The following TSHZ3 variants were observed in gnomAD, a reference collection of about 807,000 sequenced individuals.
TSHZ3 encodes teashirt homolog 3.
Under a neutral mutation model 64.5 loss-of-function variants are expected in TSHZ3, and 10 were observed. That is an observed-to-expected ratio of 0.16 (90% CI 0.10 to 0.26). The LOEUF is 0.26. TSHZ3 is among the 10% of genes least tolerant of loss of function. The pLI, the probability that TSHZ3 is intolerant of heterozygous loss-of-function variation, is 1.00. For synonymous variants in TSHZ3, 608 were observed against 593.1 expected (o/e 1.03, Z -0.36); for missense variants, 1,242 against 1,421.7 (o/e 0.87, Z 2.03).
At chr19:31,345,050 C>T (rs1241079954) in intron 1 of TSHZ3, among the ~76,000 whole-genome samples, 1 of 152,122 alleles carries the variant, frequency 6.6e-6, no homozygotes, top group African/African-American at 2.4e-5. Flanking sequence ...ATGGGGGCAC[C>T]GCAGCTGATT....
intron 5 of TSHZ3, among the ~76,000 whole-genome samples, chr19:31,178,459 C>T (rs960260992): frequency 1.3e-4 from 20 of 152,150 alleles, no homozygotes; most frequent in Non-Finnish European, 2.8e-4. Flanking sequence ...TCAGGTGGAT[C>T]GCCTGAGGTC....
chr19:31,240,780 A>G (rs1389211086), intron 3 of TSHZ3, among the ~76,000 whole-genome samples: 1 of 152,084 alleles, frequency 6.6e-6, no homozygotes, highest in Non-Finnish European at 1.5e-5. Flanking sequence ...TTCTCTGCCC[A>G]GTTATAATCT....
At chr19:31,249,907 G>T (rs1370076851) in intron 1 of TSHZ3, among the ~76,000 whole-genome samples, 1 of 152,212 alleles carries the variant, frequency 6.6e-6, no homozygotes, top group African/African-American at 2.4e-5. Flanking sequence ...ATAACTAGCA[G>T]CAATGACTCT....
chr19:31,297,887 C>A (rs1976691116), intron 1 of TSHZ3, among the ~76,000 whole-genome samples: 1 of 152,206 alleles, frequency 6.6e-6, no homozygotes, highest in Non-Finnish European at 1.5e-5. Flanking sequence ...CATCCCTGCC[C>A]TAATGCGTAC....
intron 4 of TSHZ3, among the ~76,000 whole-genome samples, chr19:31,209,954 A>G (rs542073543): frequency 6.6e-6 from 1 of 152,268 alleles, no homozygotes; most frequent in East Asian, 1.9e-4. Context: ...AGGTCAGGTC[A>G]GTGAGCCATG....
chr19:31,247,680 C>A (rs1229849141), intron 1 of TSHZ3, among the ~76,000 whole-genome samples: 1 of 152,114 alleles, frequency 6.6e-6, no homozygotes, highest in Non-Finnish European at 1.5e-5. Flanking sequence ...ACGGGTTATC[C>A]TATCAATATT....
At chr19:31,350,561 G>T (rs2021690248), upstream of TSHZ3, among the ~76,000 whole-genome samples, 1 of 151,454 alleles carries the variant, frequency 6.6e-6, no homozygotes, top group Non-Finnish European at 1.5e-5. Flanking sequence ...CCGCCGCGCC[G>T]TGTCCCGCGC....
At chr19:31,179,667 ATGGTGG>A (rs1568338827) in intron 5 of TSHZ3, among the ~76,000 whole-genome samples, 1 of 151,340 alleles carries the variant, frequency 6.6e-6, no homozygotes. Flanking sequence ...GGCAATGATG[ATGGTGG>A]TGGTAAGAGT....
rs969469796 is a variant in TSHZ3, at chr19:31,231,948, TG to T, written n.551-3809del. Among the ~76,000 whole-genome samples, 8 of 152,260 alleles carry T rather than the reference TG, an allele frequency of 5.3e-5. No homozygotes were observed. The East Asian group carries it at 1.4e-3, about 26-fold the overall frequency. ...CAGACCCTGATTTATATGCCCTGAT[TG>T]GGTATCTGTAATGCTCTCAGTCACA... On this transcript the variant is annotated intron_variant and non_coding_transcript_variant, in intron 3 of 6. Transcript: ENST00000651361.
chr19:31,235,374 C>T (rs975768063), intron 3 of TSHZ3, among the ~76,000 whole-genome samples: 1 of 151,946 alleles, frequency 6.6e-6, no homozygotes, highest in African/African-American at 2.4e-5. Flanking sequence ...CCCTGATAGG[C>T]ACCATTCTAC....
Position 31,163,352 on chromosome 19 carries a change from T to C in TSHZ3, n.810-6935A>G, listed in dbSNP as rs115152649. 3.9e-3 allele frequency among the ~76,000 whole-genome samples: 594 copies of C among 152,288 alleles called. 3 individuals are homozygous for C. The highest frequency in any genetic ancestry group is 0.013 in the African/African-American group (550 of 41,562). ...ATAAAGGGCCTTGAATGCCAATTTT[T>C]AGAACTCAGATTTATTCTGTAGTGG... is the stretch of plus-strand genomic sequence containing the variant. On this transcript the variant is annotated intron_variant and non_coding_transcript_variant, in intron 5 of 6. Transcript: ENST00000651361.
chr19:31,346,942 G>T (rs909195333), intron 1 of TSHZ3, among the ~76,000 whole-genome samples: 3 of 151,628 alleles, frequency 2.0e-5, no homozygotes, highest in African/African-American at 7.3e-5. Context: ...TTCTGATAAA[G>T]TAAATCCAAA....
intron 1 of TSHZ3, among the ~76,000 whole-genome samples, chr19:31,337,781 A>G (rs1802501282): frequency 6.6e-6 from 1 of 151,198 alleles, no homozygotes; most frequent in Non-Finnish European, 1.5e-5. Flanking sequence ...TGAGTGAATC[A>G]GTACCATTTC....
At chr19:31,285,781 CAAAAAAAA>C (rs3030263) in intron 1 of TSHZ3, among the ~76,000 whole-genome samples, 15 of 44,986 alleles carry the variant, frequency 3.3e-4, no homozygotes, top group South Asian at 1.1e-3. Flanking sequence ...GCCACTGTCT[CAAAAAAAA>C]AAAAAAAAAA....
In TSHZ3 at chr19:31,150,467, G is replaced by A. The variant is rs535924502; in HGVS notation, n.2149C>T. ...GGGTACCATATCCTGGTGCATCCAC[G>A]TGTCTTCTGGCCACATCGCATGACA... On this transcript the variant is annotated non_coding_transcript_exon_variant, in exon 7 of 7. Transcript: ENST00000651361. 9.2e-5 allele frequency among the ~76,000 whole-genome samples: 14 copies of A among 152,320 alleles called. No individual in the cohort carries two copies. In the East Asian group the frequency reaches 1.9e-3, roughly 21 times the overall value.
chr19:31,181,816 T>C (rs989315898), intron 5 of TSHZ3, among the ~76,000 whole-genome samples: 1 of 152,200 alleles, frequency 6.6e-6, no homozygotes, highest in African/African-American at 2.4e-5. Flanking sequence ...TTCAGCCAAT[T>C]TCATCAAATG....
At chr19:31,181,727 A>G (rs1224688564) in intron 5 of TSHZ3, among the ~76,000 whole-genome samples, 1 of 152,250 alleles carries the variant, frequency 6.6e-6, no homozygotes, top group African/African-American at 2.4e-5. Flanking sequence ...GTGAAGGTAC[A>G]GTCCCAGGCC....
chr19:31,337,061 G>A (rs1185062173), intron 1 of TSHZ3, among the ~76,000 whole-genome samples: 1 of 143,692 alleles, frequency 7.0e-6, no homozygotes. Flanking sequence ...TACTTGCAAG[G>A]GTCATATCTT....
chr19:31,282,685 A>G (rs755446793), intron 1 of TSHZ3, among the ~76,000 whole-genome samples: 1 of 152,194 alleles, frequency 6.6e-6, no homozygotes, highest in South Asian at 2.1e-4. Context: ...ATGCTTTGTA[A>G]ACTACACAGC....
Sources: allele counts gnomAD v4.1 joint callset (sites outside exome capture counted in the v4.1 genomes callset), GRCh38; gene constraint gnomAD v4.1.1; transcripts MANE v1.5; gene names NCBI Gene and HGNC (gene_info 2026-07-23, HGNC 2026-07-21).